Variants in PCCB observed in about 807,000 individuals in gnomAD.
PCCB encodes propionyl-CoA carboxylase beta chain, mitochondrial.
Under a neutral mutation model 60.7 loss-of-function variants are expected in PCCB, and 43 were observed. The ratio of observed to expected loss-of-function variants is 0.71; its 90% CI spans 0.55 to 0.91. PCCB has a LOEUF of 0.91. Among genes scored for constraint, PCCB ranks in the 40% least tolerant of loss-of-function variants. PCCB has a pLI of 0.00. For synonymous variants in PCCB, 276 were observed against 255.9 expected (o/e 1.08, Z -0.75); for missense variants, 766 against 702.8 (o/e 1.09, Z -1.02).
intron 6 of PCCB, among the ~76,000 whole-genome samples, chr3:136,288,897 G>A (rs1434908465): frequency 6.6e-6 from 1 of 152,088 alleles, no homozygotes; most frequent in Non-Finnish European, 1.5e-5. Context: ...TGACCTCCTG[G>A]GGTCAAGCAA....
intron 5 of PCCB, 70 bp from the exon 6 acceptor site, chr3:136,283,767 C>CT (rs1942540265): frequency 6.4e-6 from 7 of 1,092,782 alleles, no homozygotes; most frequent in Non-Finnish European, 8.5e-6. Flanking sequence ...TTATTGTTGT[C>CT]TTTATCTTTC....
chr3:136,256,733 A>C, intron 3 of PCCB, 110 bp downstream of exon 3: 2 of 795,162 alleles, frequency 2.5e-6, no homozygotes. Flanking sequence ...AGTTTGGGGA[A>C]AATGAGGGAT....
chr3:136,253,924 A>C (rs1342408848), intron 1 of PCCB, among the ~76,000 whole-genome samples: 1 of 152,024 alleles, frequency 6.6e-6, no homozygotes, highest in Non-Finnish European at 1.5e-5. Context: ...CTGGGATTAC[A>C]GGTGTGAGCT....
intron 14 of PCCB, 135 bp from the exon 15 acceptor site, chr3:136,329,770 C>T (rs546699017): frequency 8.9e-6 from 8 of 899,830 alleles, no homozygotes; most frequent in South Asian, 8.3e-5. Flanking sequence ...ATTCACAGGG[C>T]CTACCATCTC....
At chr3:136,299,789 T>C (rs1263507243) in intron 8 of PCCB, among the ~76,000 whole-genome samples, 1 of 151,468 alleles carries the variant, frequency 6.6e-6, no homozygotes, top group African/African-American at 2.4e-5. Flanking sequence ...TGTATGTATG[T>C]ATATGCATGT....
At chr3:136,315,047 T>G (rs1325321528) in intron 9 of PCCB, among the ~76,000 whole-genome samples, 2 of 152,102 alleles carry the variant, frequency 1.3e-5, no homozygotes, top group Non-Finnish European at 2.9e-5. Context: ...CTTTACAAAT[T>G]AACTGGTCTG....
rs1287278672 is a variant in PCCB, at chr3:136,283,900, G to A, written c.607G>A (p.Gly203Arg). 6.2e-7 allele frequency: 1 copy of A among 1,613,824 alleles called. No individual in the cohort carries two copies. The highest frequency in any genetic ancestry group is 1.1e-5 in the South Asian group (1 of 91,070). ...TCTGATCATGGGCCCATGTGCTGGT[G>A]GGGCCGTCTACTCCCCAGCCCTAAC... ...ISLIMGPCAG[G>R]AVYSPALTDF... Residue 203 changes from glycine (G) to arginine (R), a missense_variant, in exon 6 of 15, where the codon GGG becomes AGG. Transcript: ENST00000251654.
chr3:136,310,531 A>C (rs1192127923), intron 9 of PCCB, among the ~76,000 whole-genome samples: 4 of 152,206 alleles, frequency 2.6e-5, no homozygotes, highest in African/African-American at 4.8e-5. Flanking sequence ...CAAACAAACA[A>C]ACACCAGGCC....
rs546407031 is a variant in PCCB at position 136,285,177 on chromosome 3, T to C, written c.654+1230T>C. ...TTCTGAACTTTGCTTACTAAGTCTA[T>C]ATATACACACCTAGCTGGTGCTACC... On this transcript the variant is annotated intron_variant, in intron 6 of 14. Transcript: ENST00000251654. Among the ~76,000 whole-genome samples the C allele has an allele frequency of 3.9e-4, 60 of 152,052 alleles. 3 individuals carry two copies. The South Asian group carries it at 0.012, about 30-fold the overall frequency.
At chr3:136,261,462 T>C (rs1333322051) in intron 4 of PCCB, among the ~76,000 whole-genome samples, 2 of 152,218 alleles carry the variant, frequency 1.3e-5, no homozygotes, top group East Asian at 3.8e-4. Context: ...ACTGTAGGAA[T>C]ATTGCTTATT....
intron 10 of PCCB, 79 bp downstream of exon 10, chr3:136,317,143 T>C: frequency 1.3e-6 from 2 of 1,493,384 alleles, no homozygotes; most frequent in Non-Finnish European, 1.9e-6. Context: ...CTTTCTGTCT[T>C]TTGCCTGTTC....
chr3:136,295,312 T>C (rs1425294555), intron 7 of PCCB, among the ~76,000 whole-genome samples: 1 of 152,230 alleles, frequency 6.6e-6, no homozygotes, highest in African/African-American at 2.4e-5. Context: ...ATGTGTCTTA[T>C]CAGTGAAGTC....
intron 5 of PCCB, among the ~76,000 whole-genome samples, chr3:136,268,118 A>G (rs868355838): frequency 8.5e-4 from 110 of 130,086 alleles, no homozygotes; most frequent in Non-Finnish European, 1.2e-3. Flanking sequence ...ATATATATAT[A>G]TATGTATATA....
At chr3:136,321,331 A>G (rs1935101557) in intron 10 of PCCB, among the ~76,000 whole-genome samples, 1 of 152,224 alleles carries the variant, frequency 6.6e-6, no homozygotes, top group South Asian at 2.1e-4. Flanking sequence ...AGAGCAGTAT[A>G]TTTGAGGTTA....
At chr3:136,304,403 T>A (rs13099771) in intron 9 of PCCB, among the ~76,000 whole-genome samples, 113,934 of 113,974 alleles carry the variant, frequency 1, 56,951 homozygotes, top group Non-Finnish European at 1. Context: ...TTTTTTTGAG[T>A]TGGAGTCTGG....
chr3:136,328,181 T>A lies in PCCB; in HGVS notation c.1398+449T>A, dbSNP rs566105042. Among the ~76,000 whole-genome samples, 4 of 152,270 alleles carry A rather than the reference T, an allele frequency of 2.6e-5. No individual in the cohort carries two copies. The East Asian group carries it at 7.7e-4, about 29-fold the overall frequency. The stretch of plus-strand genomic sequence containing the variant: ...ACCCTAGTGACGTTGGACAAGGTAC[T>A]TCCTATTGCTTGACCTATTCCTCAC... On this transcript the variant is annotated intron_variant, in intron 13 of 14. Coordinates refer to ENST00000251654, the MANE Select transcript of PCCB (RefSeq NM_000532.5).
intron 5 of PCCB, among the ~76,000 whole-genome samples, chr3:136,270,855 C>T (rs1450056820): frequency 6.6e-6 from 1 of 152,068 alleles, no homozygotes; most frequent in Admixed American, 6.6e-5. Flanking sequence ...AAGGTGGTAT[C>T]TCATTGTGGT....
chr3:136,271,222 A>G (rs935028914), intron 5 of PCCB, among the ~76,000 whole-genome samples: 3 of 152,004 alleles, frequency 2.0e-5, no homozygotes, highest in Non-Finnish European at 4.4e-5. Flanking sequence ...AGTTTTTCCA[A>G]TGTTGCAGAA....
chr3:136,259,749 AC>A (rs1941770180), intron 3 of PCCB, among the ~76,000 whole-genome samples: 1 of 152,142 alleles, frequency 6.6e-6, no homozygotes, highest in Non-Finnish European at 1.5e-5. Flanking sequence ...TGCTTTAAAA[AC>A]TATATGTATG....
Sources: allele counts gnomAD v4.1 joint callset (sites outside exome capture counted in the v4.1 genomes callset), GRCh38; gene constraint gnomAD v4.1.1; transcripts MANE v1.5; gene names NCBI Gene and HGNC (gene_info 2026-07-23, HGNC 2026-07-21).